The following RBFOX1 variants were observed in gnomAD, a reference collection of about 807,000 sequenced individuals.
RBFOX1 encodes the protein RNA binding fox-1 homolog 1, also known as RNA binding protein fox-1 homolog 1.
In RBFOX1, 8 loss-of-function variants were observed where a neutral mutation model predicts 57.7. That is an observed-to-expected ratio of 0.14 (90% CI 0.08 to 0.25). The LOEUF (loss-of-function observed/expected upper bound fraction) is 0.25, where lower values mean the gene tolerates loss of function less well. Ranked by LOEUF, RBFOX1 falls within the 10% of genes least tolerant of loss-of-function variation. The pLI, the probability that RBFOX1 is intolerant of heterozygous loss-of-function variation, is 1.00. For synonymous variants in RBFOX1, 326 were observed against 222.4 expected (o/e 1.47, Z -4.15); for missense variants, 611 against 548.5 (o/e 1.11, Z -1.14).
chr16:7,316,018 G>A (rs896935233), intron 4 of RBFOX1, among the ~76,000 whole-genome samples: 1 of 152,164 alleles, frequency 6.6e-6, no homozygotes, highest in South Asian at 2.1e-4. Flanking sequence ...CAAATCTGGT[G>A]ATTCACCCAA....
intron 3 of RBFOX1, among the ~76,000 whole-genome samples, chr16:6,661,257 G>C (rs1449694208): frequency 6.6e-6 from 1 of 152,200 alleles, no homozygotes; most frequent in African/African-American, 2.4e-5. Flanking sequence ...CTAACTCTCA[G>C]TGGGTTAGAA....
chr16:7,401,114 T>C (rs1033330281), intron 4 of RBFOX1, among the ~76,000 whole-genome samples: 1 of 152,248 alleles, frequency 6.6e-6, no homozygotes, highest in African/African-American at 2.4e-5. Flanking sequence ...AGGGAACATG[T>C]AATGGTATTA....
At chr16:6,963,919 C>T (rs943744770) in intron 3 of RBFOX1, among the ~76,000 whole-genome samples, 2 of 151,860 alleles carry the variant, frequency 1.3e-5, no homozygotes, top group East Asian at 1.9e-4. Context: ...AAGACGGTGT[C>T]GATCTCCTGA....
chr16:5,967,082 T>C (rs944281230), intron 4 of RBFOX1, among the ~76,000 whole-genome samples: 6 of 150,496 alleles, frequency 4.0e-5, no homozygotes, highest in Non-Finnish European at 7.4e-5. Flanking sequence ...CGCTCATTTA[T>C]ATATAGTTGA....
chr16:7,211,811 C>A (rs1448890677), intron 4 of RBFOX1, among the ~76,000 whole-genome samples: 2 of 152,184 alleles, frequency 1.3e-5, no homozygotes, highest in African/African-American at 2.4e-5. Flanking sequence ...TTCACATCTT[C>A]CTCTGGTTTA....
chr16:5,722,954 A>C (rs938327765), intron 3 of RBFOX1, among the ~76,000 whole-genome samples: 1 of 152,206 alleles, frequency 6.6e-6, no homozygotes, highest in Admixed American at 6.5e-5. Flanking sequence ...TTCCTTCCTC[A>C]TAAGGGCAGA....
chr16:5,264,729 G>T (rs924457968), intron 1 of RBFOX1, among the ~76,000 whole-genome samples: 15 of 152,172 alleles, frequency 9.9e-5, no homozygotes, highest in Admixed American at 8.5e-4. Context: ...CAGAGGTGCA[G>T]TGTGAGACTT....
intron 1 of RBFOX1, among the ~76,000 whole-genome samples, chr16:5,368,108 A>G (rs937872044): frequency 7.9e-5 from 12 of 152,304 alleles, no homozygotes; most frequent in Admixed American, 3.9e-4. Context: ...ATTTGTCATA[A>G]ATGTATGATG....
At chr16:7,461,197 C>G (rs1224372079) in intron 4 of RBFOX1, among the ~76,000 whole-genome samples, 1 of 151,008 alleles carries the variant, frequency 6.6e-6, no homozygotes, top group African/African-American at 2.4e-5. Context: ...TTGAGACAGT[C>G]TCACCCTGTC....
At chr16:5,786,983 A>G (rs753096566) in intron 3 of RBFOX1, among the ~76,000 whole-genome samples, 6 of 152,102 alleles carry the variant, frequency 3.9e-5, no homozygotes, top group Non-Finnish European at 8.8e-5. Flanking sequence ...TAAAAACACA[A>G]AGATTAACTG....
At chr16:5,448,097 G>C (rs910657136) in intron 1 of RBFOX1, among the ~76,000 whole-genome samples, 1 of 152,202 alleles carries the variant, frequency 6.6e-6, no homozygotes, top group African/African-American at 2.4e-5. Flanking sequence ...GGCTGGATAT[G>C]TCTTTTGACA....
At chr16:5,413,668 C>G (rs1354308740) in intron 1 of RBFOX1, among the ~76,000 whole-genome samples, 2 of 152,158 alleles carry the variant, frequency 1.3e-5, no homozygotes, top group Non-Finnish European at 2.9e-5. Flanking sequence ...ATGTGTCAGG[C>G]ATTGTTATTC....
intron 4 of RBFOX1, among the ~76,000 whole-genome samples, chr16:7,107,865 G>A (rs570855086): frequency 6.6e-6 from 1 of 151,936 alleles, no homozygotes; most frequent in Non-Finnish European, 1.5e-5. Context: ...CTCTACCCGT[G>A]GTCTAAAACC....
intron 4 of RBFOX1, among the ~76,000 whole-genome samples, chr16:5,907,425 G>T (rs1180332885): frequency 1.3e-5 from 2 of 151,932 alleles, no homozygotes; most frequent in African/African-American, 4.8e-5. Flanking sequence ...TTCAGAGCAC[G>T]TTGCACCTTT....
chr16:7,370,513 C>T (rs1009352141), intron 4 of RBFOX1, among the ~76,000 whole-genome samples: 4 of 152,190 alleles, frequency 2.6e-5, no homozygotes, highest in Admixed American at 6.5e-5. Context: ...ACTTTCCCTT[C>T]TTCCCCCACG....
At chr16:7,176,447 A>G (rs936880215) in intron 4 of RBFOX1, among the ~76,000 whole-genome samples, 7 of 152,030 alleles carry the variant, frequency 4.6e-5, no homozygotes, top group Non-Finnish European at 8.8e-5. Flanking sequence ...CGAGGTATCT[A>G]TTATGTGTAC....
intron 1 of RBFOX1, among the ~76,000 whole-genome samples, chr16:5,305,532 C>G (rs965149657): frequency 2.0e-5 from 3 of 152,152 alleles, no homozygotes; most frequent in Non-Finnish European, 4.4e-5. Flanking sequence ...AACAAAGTGG[C>G]TTTCAGAAAC....
At chr16:7,416,845 C>T (rs1487544815) in intron 4 of RBFOX1, among the ~76,000 whole-genome samples, 3 of 152,018 alleles carry the variant, frequency 2.0e-5, no homozygotes, top group Non-Finnish European at 4.4e-5. Flanking sequence ...GGTCTATGCA[C>T]GTAACACATA....
chr16:6,946,005 C>T (rs1400625055), intron 3 of RBFOX1, among the ~76,000 whole-genome samples: 2 of 152,180 alleles, frequency 1.3e-5, no homozygotes, highest in East Asian at 3.9e-4. Flanking sequence ...CTTTCTGGAG[C>T]CTCTGGAGCC....
Sources: gnomAD v4.1 joint callset for allele counts (sites outside exome capture counted in the v4.1 genomes callset) on GRCh38, gnomAD v4.1.1 for gene constraint, MANE v1.5 for transcripts, NCBI Gene and HGNC (gene_info 2026-07-23, HGNC 2026-07-21) for gene names.